The following PHF2 variants were observed in gnomAD, a reference collection of about 807,000 sequenced individuals.
PHF2 encodes PHD finger protein 2, also known as lysine-specific demethylase PHF2.
PHF2 carries 27 observed loss-of-function variants against 120.5 expected under a neutral mutation model. The observed-to-expected ratio is 0.22, with a 90% CI of 0.17 to 0.31. PHF2 has a LOEUF of 0.31. Ranked by LOEUF, PHF2 falls within the 10% of genes least tolerant of loss-of-function variation. The pLI is 1.00. For synonymous variants in PHF2, 568 were observed against 592.5 expected, an observed-to-expected ratio of 0.96 and a Z score of 0.60; for missense variants, 1,024 against 1,434.8, an observed-to-expected ratio of 0.71 and a Z score of 4.63.
At chr9:93,674,748 G>A (rs1045030796) in intron 18 of PHF2, among the ~76,000 whole-genome samples, 179 bp from the exon 19 acceptor site, 1 of 152,140 alleles carries the variant, frequency 6.6e-6, no homozygotes, top group Non-Finnish European at 1.5e-5. Context: ...GCCCATGCCT[G>A]GGGTGTCCTC....
At chr9:93,669,098 A>C (rs1826734461) in intron 17 of PHF2, among the ~76,000 whole-genome samples, 1 of 152,220 alleles carries the variant, frequency 6.6e-6, no homozygotes, top group Admixed American at 6.5e-5. Context: ...TCATTGATTC[A>C]CCAGCAACCC....
intron 17 of PHF2, chr9:93,671,325 T>C: frequency 6.3e-6 from 3 of 474,050 alleles, no homozygotes; most frequent in African/African-American, 4.2e-5. Context: ...CAGGTGTAGA[T>C]GCAGATGTGG....
intron 1 of PHF2, among the ~76,000 whole-genome samples, chr9:93,615,108 G>C (rs1825703352): frequency 6.6e-6 from 1 of 151,558 alleles, no homozygotes; most frequent in Admixed American, 6.6e-5. Flanking sequence ...TAATAAAGAT[G>C]GTGATGGTGA....
chr9:93,674,934 C>T lies in PHF2; in HGVS notation c.2634C>T (p.Pro878=). The T allele has an allele frequency of 6.2e-7, 1 of 1,613,608 alleles. No individual in the cohort carries two copies. The highest frequency in any genetic ancestry group is 1.1e-5 in the South Asian group (1 of 91,066). Residue 878 remains proline, a synonymous_variant, in exon 19 of 22, where the codon CCC becomes CCT. Transcript: ENST00000359246. The stretch of plus-strand genomic sequence containing the variant: ...CCCTCTGCCTCCCTCTAGTTTACCC[C>T]TCACTGGAGTCAGATGAAGACAACC... ...ACFKDSDYVY[P]SLESDEDNPI...
intron 1 of PHF2, among the ~76,000 whole-genome samples, chr9:93,600,413 G>A (rs1369343923): frequency 6.6e-6 from 1 of 152,218 alleles, no homozygotes; most frequent in Admixed American, 6.5e-5. Context: ...GTCCTTATCT[G>A]TGGGGACCCA....
chr9:93,653,097 C>T (rs1157470640), intron 5 of PHF2, 82 bp from the exon 6 acceptor site: 2 of 1,329,204 alleles, frequency 1.5e-6, no homozygotes, highest in Non-Finnish European at 2.1e-6. Flanking sequence ...TGGGACATGC[C>T]TCACAGAACA....
At chr9:93,636,364 C>T (rs1826089677) in intron 2 of PHF2, 47 bp from the exon 3 acceptor site, 1 of 1,460,100 alleles carries the variant, frequency 6.8e-7, no homozygotes, top group East Asian at 2.4e-5. Context: ...TGGAGCCCTG[C>T]TGGGGCTGCG....
intron 1 of PHF2, among the ~76,000 whole-genome samples, chr9:93,583,812 C>CT (rs968112633): frequency 2.1e-5 from 3 of 143,614 alleles, no homozygotes; most frequent in Admixed American, 7.1e-5. Context: ...ATACTGTATC[C>CT]TTTTTTTTCT....
chr9:93,677,693 A>T lies in PHF2; in HGVS notation c.*17A>T, dbSNP rs550061169. Reference sequence around the variant, plus strand: ...CTCCTTTAAGATTTGGAAAGCCAGGATCCTTCTGCTCCGCTCAGGACCCCC... The same window carrying T: ...CTCCTTTAAGATTTGGAAAGCCAGGTTCCTTCTGCTCCGCTCAGGACCCCC... On this transcript the variant is annotated 3_prime_UTR_variant, in exon 22 of 22. Transcript: ENST00000359246. The surrounding 1 kb of genome is among the most constrained non-coding windows in gnomAD (Gnocchi z 4.4). 17 of 1,599,924 alleles carry T rather than the reference A, an allele frequency of 1.1e-5. No homozygotes were observed. The East Asian group carries it at 3.3e-4, about 32-fold the overall frequency.
At chr9:93,582,103 G>C (rs1021936419) in intron 1 of PHF2, among the ~76,000 whole-genome samples, 2 of 152,264 alleles carry the variant, frequency 1.3e-5, no homozygotes, top group South Asian at 2.1e-4. Flanking sequence ...AGATAGTGTG[G>C]GTCACCCTGT....
chr9:93,578,392 C>CG (rs558120703), intron 1 of PHF2, among the ~76,000 whole-genome samples: 1 of 152,188 alleles, frequency 6.6e-6, no homozygotes, highest in Non-Finnish European at 1.5e-5. Flanking sequence ...AGTTCATGGC[C>CG]GGGCCAAAGT....
intron 17 of PHF2, 118 bp downstream of exon 17, chr9:93,667,358 C>T (rs143474419): frequency 3.1e-5 from 39 of 1,239,016 alleles, no homozygotes; most frequent in East Asian, 8.0e-5. Flanking sequence ...AGTGCTGAGC[C>T]GCCCCTGGGC....
At chr9:93,582,526 G>C (rs1157010023) in intron 1 of PHF2, among the ~76,000 whole-genome samples, 1 of 152,136 alleles carries the variant, frequency 6.6e-6, no homozygotes, top group Non-Finnish European at 1.5e-5. Context: ...TGCCAACCTT[G>C]ATTCTCAGCT....
chr9:93,591,104 G>A (rs934226370), intron 1 of PHF2, among the ~76,000 whole-genome samples: 1 of 152,110 alleles, frequency 6.6e-6, no homozygotes, highest in African/African-American at 2.4e-5. Context: ...TGTCATGGGG[G>A]CCAGCAGCCG....
chr9:93,665,120 C>T (rs113617877), intron 14 of PHF2, among the ~76,000 whole-genome samples: 24 of 152,258 alleles, frequency 1.6e-4, no homozygotes, highest in Non-Finnish European at 3.2e-4. Flanking sequence ...AGACAAATTA[C>T]ACACTGTTTC....
intron 20 of PHF2, among the ~76,000 whole-genome samples, 188 bp downstream of exon 20, chr9:93,675,977 G>A (rs920757537): frequency 2.0e-5 from 3 of 152,204 alleles, no homozygotes; most frequent in Non-Finnish European, 4.4e-5. Flanking sequence ...CCCCGTGTGG[G>A]GTCCGGGGGA....
chr9:93,657,886 C>G (rs1826488404), intron 9 of PHF2, among the ~76,000 whole-genome samples: 1 of 152,092 alleles, frequency 6.6e-6, no homozygotes, highest in Non-Finnish European at 1.5e-5. Flanking sequence ...AGCAAGGCAG[C>G]CTGTGTTAGG....
intron 20 of PHF2, among the ~76,000 whole-genome samples, chr9:93,676,050 C>G (rs1477079668): frequency 6.6e-6 from 1 of 152,226 alleles, no homozygotes; most frequent in Non-Finnish European, 1.5e-5. Flanking sequence ...GGCTGGGCTA[C>G]TCTCTGGTAC....
chr9:93,656,697 C>T lies in PHF2; in HGVS notation c.1147+102C>T. The T allele has an allele frequency of 1.3e-6, 1 of 775,340 alleles. No individual in the cohort carries two copies. Among genetic ancestry groups the T allele is most frequent in the South Asian group, 1.5e-5 (1 of 64,840 alleles). 48.0% of individuals were successfully genotyped at this position (775,340 alleles called of 1,614,324 possible). On this transcript the variant is annotated intron_variant, in intron 9 of 21. Transcript: ENST00000359246. The surrounding 1 kb of genome is among the most constrained non-coding windows in gnomAD (Gnocchi z 4.1). ...CTGTCTGGGTGTGAGTGCCGCCTTC[C>T]TGTGGCCTGAGCAAGTCCTCTTGGG...
Sources: allele counts gnomAD v4.1 joint callset (sites outside exome capture counted in the v4.1 genomes callset), GRCh38; gene constraint gnomAD v4.1.1; non-coding constraint Gnocchi (gnomAD v3.1); transcripts MANE v1.5; gene names NCBI Gene and HGNC (gene_info 2026-07-23, HGNC 2026-07-21).